STARD9: variants seen among roughly 807,000 people sequenced by gnomAD.
STARD9 encodes the protein stAR-related lipid transfer protein 9.
Under a neutral mutation model 399.8 loss-of-function variants are expected in STARD9, and 346 were observed. The ratio of observed to expected loss-of-function variants is 0.87; its 90% CI spans 0.79 to 0.95. STARD9 has a LOEUF of 0.95. Ranked by LOEUF, STARD9 falls within the 40% of genes least tolerant of loss-of-function variation. The probability of loss-of-function intolerance (pLI) is 0.00; values close to 1 mark genes in which losing one functional copy is unlikely to be tolerated. For synonymous variants in STARD9, 2,203 were observed against 2,143.5 expected (o/e 1.03, Z -0.77); for missense variants, 5,832 against 5,667.5 (o/e 1.03, Z -0.93).
chr15:42,696,699 A>T (rs2060854470), intron 26 of STARD9, among the ~76,000 whole-genome samples: 1 of 152,220 alleles, frequency 6.6e-6, no homozygotes, highest in Non-Finnish European at 1.5e-5. Context: ...CTGCTAGTGA[A>T]GACGAACAGA....
chr15:42,610,738 G>A (rs903986520), intron 3 of STARD9, among the ~76,000 whole-genome samples: 1 of 152,052 alleles, frequency 6.6e-6, no homozygotes, highest in Admixed American at 6.6e-5. Context: ...GTAGAGACGG[G>A]GTTTCGCCAT....
intron 32 of STARD9, 146 bp downstream of exon 32, chr15:42,719,056 T>C (rs567157997): frequency 4.5e-6 from 3 of 672,114 alleles, no homozygotes; most frequent in Non-Finnish European, 7.5e-6. Context: ...TCCTGGGCTT[T>C]TGCAGTAAGG....
Position 42,691,958 on chromosome 15 carries a change from C to T in STARD9, c.10380C>T (p.His3460=). The T allele has an allele frequency of 6.5e-7, 1 of 1,537,262 alleles. No individual in the cohort carries two copies. Among genetic ancestry groups the T allele is most frequent in the Non-Finnish European group, 8.7e-7 (1 of 1,146,896 alleles). The part of the protein sequence containing the change: ...WCSQMDKGML[H]FGSSDISPYA... ...CTCAGATGGACAAAGGAATGCTGCA[C>T]TTTGGCTCCAGTGACATCAGTCCCT... The change falls in exon 23 of 33, where the codon CAC becomes CAT. Residue 3460 remains histidine, a synonymous_variant. Coordinates refer to ENST00000290607, the MANE Select transcript of STARD9 (RefSeq NM_020759.3).
At chr15:42,677,504 GT>G (rs2060334925) in intron 20 of STARD9, among the ~76,000 whole-genome samples, 1 of 152,226 alleles carries the variant, frequency 6.6e-6, no homozygotes, top group Non-Finnish European at 1.5e-5. Flanking sequence ...TTGTAGTGAA[GT>G]CATGAAAGTA....
At chr15:42,612,349 A>G (rs1460927768) in intron 3 of STARD9, among the ~76,000 whole-genome samples, 1 of 152,182 alleles carries the variant, frequency 6.6e-6, no homozygotes, top group South Asian at 2.1e-4. Flanking sequence ...TCTTAGGCTC[A>G]TGCTAAAAAT....
intron 18 of STARD9, chr15:42,675,349 A>T: frequency 2.3e-6 from 1 of 431,802 alleles, no homozygotes. Flanking sequence ...AATTACCGCT[A>T]CTGTTATTAA....
intron 1 of STARD9, among the ~76,000 whole-genome samples, chr15:42,578,711 A>G (rs2058106938): frequency 6.6e-6 from 1 of 152,150 alleles, no homozygotes; most frequent in African/African-American, 2.4e-5. Flanking sequence ...TACATTAAAC[A>G]AACAGAAGAT....
chr15:42,663,692 G>A (rs779611537), intron 12 of STARD9, 128 bp from the exon 13 acceptor site: 1 of 809,018 alleles, frequency 1.2e-6, no homozygotes, highest in Non-Finnish European at 2.0e-6. Flanking sequence ...CAGAGAAAGG[G>A]CCATGACCAC....
chr15:42,716,774 G>T lies in STARD9; in HGVS notation c.13372+10G>T. On this transcript the variant is annotated intron_variant, in intron 27 of 32. Coordinates refer to ENST00000290607, the MANE Select transcript of STARD9 (RefSeq NM_020759.3). ...AAGAACTCTGCCTACAGTGAGTTGC[G>T]GGGAGTGTTGGGCATAGCCAGCTGC... The T allele has an allele frequency of 6.5e-7, 1 of 1,533,538 alleles. No homozygotes were observed. The highest frequency in any genetic ancestry group is 1.2e-5 in the South Asian group (1 of 83,962). 95.0% of individuals were successfully genotyped at this position (1,533,538 alleles called of 1,614,324 possible).
Position 42,716,999 on chromosome 15 carries a change from C to T in STARD9, c.13445C>T (p.Ser4482Phe), listed in dbSNP as rs146027773. 7.2e-4 allele frequency: 1,111 copies of T among 1,537,248 alleles called. 3 individuals are homozygous for T. Among genetic ancestry groups the T allele is most frequent in the Middle Eastern group, 5.0e-3 (30 of 5,990 alleles). The change falls in exon 28 of 33, where the codon TCC (serine) becomes TTC (phenylalanine). Residue 4482 changes from serine (S) to phenylalanine (F), a missense_variant. Around this residue, in one of 2 missense-constraint regions of STARD9, gnomAD observed 5,828 missense variants for 5,651.1 expected, o/e 1.03. Coordinates refer to ENST00000290607, the MANE Select transcript of STARD9 (RefSeq NM_020759.3). ...TCCAGCTTGGGGACCTGCTTTTCCTCCTCCTACCAGGATTTGGCCAAGCAT... is the reference window on the plus strand; with the variant it reads ...TCCAGCTTGGGGACCTGCTTTTCCTTCTCCTACCAGGATTTGGCCAAGCAT... ...SLSSLGTCFS[S>F]SYQDLAKHVV...
At chr15:42,638,152 C>T (rs531443700) in intron 6 of STARD9, 65 bp downstream of exon 6, 1 of 1,398,342 alleles carries the variant, frequency 7.2e-7, no homozygotes, top group Admixed American at 2.0e-5. Flanking sequence ...CTACCATGTT[C>T]AGCTGTCCTC....
At chr15:42,620,985 C>T (rs1360867902) in intron 3 of STARD9, among the ~76,000 whole-genome samples, 4 of 152,054 alleles carry the variant, frequency 2.6e-5, no homozygotes, top group African/African-American at 7.2e-5. Flanking sequence ...AACTCCTGAC[C>T]TCAAGTGATC....
Position 42,575,639 on chromosome 15 carries a change from G to C in STARD9, c.-77G>C. ...GTGGGGCGGGCGGGGCTGGGTTGGG[G>C]CTGTGTCTGGGCTTAGGGCGGGGGC... On this transcript the variant is annotated 5_prime_UTR_variant, in exon 1 of 33. Coordinates refer to ENST00000290607, the MANE Select transcript of STARD9 (RefSeq NM_020759.3). 1 of 1,477,028 alleles carries C rather than the reference G, an allele frequency of 6.8e-7. No individual in the cohort carries two copies. Among genetic ancestry groups the C allele is most frequent in the Non-Finnish European group, 9.1e-7 (1 of 1,095,182 alleles). The allele number at this position is 1,477,028 out of a possible 1,614,324, so 91.5% of individuals were successfully genotyped here. A position where few individuals can be genotyped will look rare whatever the true frequency, so the allele number is the denominator to read the frequency against.
rs547565330 is a variant in STARD9, at chr15:42,661,036, G to C, written c.703-122G>C. The C allele has an allele frequency of 4.4e-5, 29 of 662,524 alleles. 1 individual carries two copies. The South Asian group carries it at 5.0e-4, about 11-fold the overall frequency. 41.0% of individuals were successfully genotyped at this position (662,524 alleles called of 1,614,324 possible). A position where few individuals can be genotyped will look rare whatever the true frequency, so the allele number is the denominator to read the frequency against. The stretch of plus-strand genomic sequence containing the variant: ...AGCTCACCTGGTTTACATCACATTA[G>C]AATACAGATTTGTTGAGTGAATTGG... On this transcript the variant is annotated intron_variant, in intron 9 of 32. Transcript: ENST00000290607.
Position 42,625,182 on chromosome 15 carries a change from A to C in STARD9, c.235-9674A>C, listed in dbSNP as rs1206147658. On this transcript the variant is annotated intron_variant, in intron 3 of 32. Transcript: ENST00000290607. ...GCTGGGATTACAGATGTGTACCACC[A>C]CACCCGGCTAATTTTTGTATTTTTA... is the stretch of plus-strand genomic sequence containing the variant. 2.0e-5 allele frequency among the ~76,000 whole-genome samples: 3 copies of C among 151,838 alleles called. No individual in the cohort carries two copies. In the East Asian group the frequency reaches 5.8e-4, roughly 29 times the overall value.
In STARD9 at chr15:42,652,588, C is replaced by T. The variant is rs775737809; in HGVS notation, c.698C>T (p.Thr233Met). Residue 233 changes from threonine to methionine, a missense_variant, in exon 9 of 33, where the codon ACG becomes ATG. Transcript: ENST00000290607. ...CACGCCATTTTCACGATCCACTACA[C>T]GCAGGTTGGTAACTCCTTATGTTTG... ...RSHAIFTIHY[T>M]QAILENNLPS... is the part of the protein sequence containing the mutation. 2.0e-5 allele frequency: 31 copies of T among 1,537,234 alleles called. No homozygotes were observed. The highest frequency in any genetic ancestry group is 2.4e-5 in the Non-Finnish European group (27 of 1,146,846).
rs1388374253 is a variant in STARD9, at chr15:42,690,253, G to T, written c.8675G>T (p.Ser2892Ile). ...TTGACAGAAGTCTGCAGGGCTGGCA[G>T]CAAACATTCCAGGCCAATTCCACTG... ...SGLTEVCRAG[S>I]KHSRPIPLPD... is the part of the protein sequence containing the mutation. The change falls in exon 23 of 33, where the codon AGC becomes ATC. Residue 2892 changes from serine to isoleucine, a missense_variant. Physicochemically the swap from Ser to Ile is moderately radical, Grantham distance 142 (BLOSUM62 -2). Coordinates refer to ENST00000290607, the MANE Select transcript of STARD9 (RefSeq NM_020759.3). 1 of 1,537,488 alleles carries T rather than the reference G, an allele frequency of 6.5e-7. No individual in the cohort carries two copies. Among genetic ancestry groups the T allele is most frequent in the East Asian group, 2.4e-5 (1 of 40,928 alleles).
At chr15:42,649,991 C>T (rs1425283776) in intron 7 of STARD9, among the ~76,000 whole-genome samples, 2 of 151,720 alleles carry the variant, frequency 1.3e-5, no homozygotes, top group South Asian at 2.1e-4. Flanking sequence ...CTCAGCCTCC[C>T]GAGTAGCTGG....
Position 42,634,950 on chromosome 15 carries a change from CAT to C in STARD9, c.333_334del (p.Thr112HisfsTer16). On this transcript the variant is annotated frameshift_variant, in exon 4 of 33. Coordinates refer to ENST00000290607, the MANE Select transcript of STARD9 (RefSeq NM_020759.3). LOFTEE classifies it high-confidence loss of function. Reference sequence around the variant, plus strand: ...TATGGACAGACAGGCTCTGGGAAGACATATACCATGCTGGGGACCCCAGTGAG... The same window carrying C: ...TATGGACAGACAGGCTCTGGGAAGACATACCATGCTGGGGACCCCAGTGAG... The C allele has an allele frequency of 6.5e-7, 1 of 1,536,204 alleles. No individual in the cohort carries two copies. Among genetic ancestry groups the C allele is most frequent in the African/African-American group, 1.4e-5 (1 of 73,126 alleles).
Sources: gnomAD v4.1 joint callset for allele counts (sites outside exome capture counted in the v4.1 genomes callset) on GRCh38, gnomAD v4.1.1 for gene constraint, gnomAD v4.1.1 regional missense constraint, MANE v1.5 for transcripts, NCBI Gene and HGNC (gene_info 2026-07-23, HGNC 2026-07-21) for gene names.